The following EYS variants were observed in gnomAD, a reference collection of about 807,000 sequenced individuals.
The protein encoded by EYS is EGF-like photoreceptor maintenance factor.
In EYS, 250 loss-of-function variants were observed where a neutral mutation model predicts 282.1. The ratio of observed to expected loss-of-function variants is 0.89; its 90% CI spans 0.80 to 0.98. The LOEUF (loss-of-function observed/expected upper bound fraction) is 0.98, where lower values mean the gene tolerates loss of function less well. Among genes scored for constraint, EYS ranks in the 50% least tolerant of loss-of-function variants. EYS has a pLI of 0.00. For missense variants in EYS, 4,016 were observed against 3,709.0 expected (o/e 1.08, Z -2.15); for synonymous variants, 1,355 against 1,282.9 (o/e 1.06, Z -1.20).
intron 22 of EYS, among the ~76,000 whole-genome samples, chr6:64,695,633 G>A (rs1231488862): frequency 6.9e-6 from 1 of 145,236 alleles, no homozygotes; most frequent in African/African-American, 2.6e-5. Flanking sequence ...CACCCAGGCT[G>A]GAGTGCAGTG....
At chr6:65,416,397 A>T (rs1767235262) in intron 5 of EYS, among the ~76,000 whole-genome samples, 1 of 151,956 alleles carries the variant, frequency 6.6e-6, no homozygotes. Context: ...TATCTCAAAA[A>T]AGTCTCTATC....
At chr6:65,594,139 CATT>C (rs920492357) in intron 2 of EYS, among the ~76,000 whole-genome samples, 11 of 151,802 alleles carry the variant, frequency 7.2e-5, no homozygotes, top group Non-Finnish European at 1.3e-4. Flanking sequence ...TCATTATGAT[CATT>C]ATTATTATTA....
intron 12 of EYS, among the ~76,000 whole-genome samples, chr6:65,067,542 G>A (rs947070188): frequency 6.6e-5 from 10 of 152,076 alleles, no homozygotes; most frequent in African/African-American, 1.9e-4. Context: ...GTATCAGTTG[G>A]GGGTCCAGAG....
intron 28 of EYS, among the ~76,000 whole-genome samples, chr6:64,421,211 G>T (rs1774223051): frequency 6.6e-6 from 1 of 152,096 alleles, no homozygotes; most frequent in Admixed American, 6.5e-5. Flanking sequence ...TCTTCACATG[G>T]CAGCAGGAAG....
chr6:65,295,905 A>T lies in EYS; in HGVS notation c.1981T>A (p.Leu661Ile). The change falls in exon 12 of 43, where the codon TTA becomes ATA. Residue 661 changes from leucine to isoleucine, a missense_variant. Leu to Ile is a conservative substitution (Grantham distance 5). Transcript: ENST00000503581. Reference sequence around the variant, plus strand: ...CACTTGCGGAAGAAATATCCCCTTAAATGTGTACTAGTTGTTCCATTTTTG... The same window carrying T: ...CACTTGCGGAAGAAATATCCCCTTATATGTGTACTAGTTGTTCCATTTTTG... The part of the protein sequence containing the change: ...SCKNGTTSTH[L>I]RGYFFRKCVP... 5.8e-6 allele frequency: 9 copies of T among 1,550,834 alleles called. No homozygotes were observed. Among genetic ancestry groups the T allele is most frequent in the Non-Finnish European group, 7.9e-6 (9 of 1,146,400 alleles).
intron 1 of EYS, among the ~76,000 whole-genome samples, chr6:65,706,311 A>G (rs754824143): frequency 6.6e-6 from 1 of 151,936 alleles, no homozygotes; most frequent in Admixed American, 6.6e-5. Flanking sequence ...AATATTGTAT[A>G]CTAAGTAATT....
chr6:64,355,297 C>T (rs1771786809), intron 29 of EYS, among the ~76,000 whole-genome samples: 1 of 151,492 alleles, frequency 6.6e-6, no homozygotes, highest in Non-Finnish European at 1.5e-5. Flanking sequence ...TCTTATCCTG[C>T]TGCTTAGCTA....
chr6:64,101,365 T>G (rs755469615), intron 31 of EYS, among the ~76,000 whole-genome samples: 13 of 152,080 alleles, frequency 8.5e-5, no homozygotes, highest in Non-Finnish European at 1.9e-4. Flanking sequence ...ACAGCAAAAG[T>G]TTCCTTAAAA....
At chr6:65,107,152 C>G (rs971822036) in intron 12 of EYS, among the ~76,000 whole-genome samples, 1 of 152,006 alleles carries the variant, frequency 6.6e-6, no homozygotes, top group Non-Finnish European at 1.5e-5. Context: ...AGACTATTCA[C>G]TTTCCCCGAT....
At position 64,557,145 on chromosome 6, in the gene EYS, A is replaced by G. The variant is rs576613371; in HGVS notation, c.5644+33078T>C. On this transcript the variant is annotated intron_variant, in intron 26 of 42. Transcript: ENST00000503581. ...AGAATTCAGTTTGCCTAGAAGAGAAATACAAATAGAAGTAGTGAAGTTGAT... is the reference window on the plus strand; with the variant it reads ...AGAATTCAGTTTGCCTAGAAGAGAAGTACAAATAGAAGTAGTGAAGTTGAT... Among the ~76,000 whole-genome samples, 42 of 151,914 alleles carry G rather than the reference A, an allele frequency of 2.8e-4. 1 individual carries two copies. The South Asian group carries it at 3.1e-3, about 11-fold the overall frequency.
rs575114664 is a variant in EYS at position 65,606,284 on chromosome 6, C to T, written c.-333+33494G>A. Among the ~76,000 whole-genome samples, 22 of 151,764 alleles carry T rather than the reference C, an allele frequency of 1.4e-4. No individual in the cohort carries two copies. In the South Asian group the frequency reaches 3.9e-3, roughly 27 times the overall value. On this transcript the variant is annotated intron_variant, in intron 2 of 42. Coordinates refer to ENST00000503581, the MANE Select transcript of EYS (RefSeq NM_001142800.2). Reference sequence around the variant, plus strand: ...ACACACAAATGTGAAATGATCACATCAAAGTAAAACTATTTATTGCTTTAT... The same window carrying T: ...ACACACAAATGTGAAATGATCACATTAAAGTAAAACTATTTATTGCTTTAT...
chr6:65,045,744 G>A (rs1773082086), intron 13 of EYS, among the ~76,000 whole-genome samples: 1 of 151,826 alleles, frequency 6.6e-6, no homozygotes, highest in South Asian at 2.1e-4. Flanking sequence ...TATGGACTCT[G>A]AAATATTTGC....
intron 11 of EYS, among the ~76,000 whole-genome samples, chr6:65,324,849 A>C (rs1307534968): frequency 2.0e-5 from 3 of 152,194 alleles, no homozygotes; most frequent in African/African-American, 7.2e-5. Context: ...AAGCCAAAGG[A>C]ACTGTTTCCT....
chr6:64,924,334 T>A (rs1176334017), intron 15 of EYS, among the ~76,000 whole-genome samples: 1 of 152,030 alleles, frequency 6.6e-6, no homozygotes. Context: ...CTGCACACAG[T>A]ATGGTGACCC....
At chr6:64,778,485 G>A (rs771661311) in intron 22 of EYS, among the ~76,000 whole-genome samples, 2 of 152,116 alleles carry the variant, frequency 1.3e-5, no homozygotes, top group South Asian at 2.1e-4. Flanking sequence ...TGTCACACAG[G>A]TCTACCCAGC....
chr6:64,602,583 AT>A, intron 24 of EYS, among the ~76,000 whole-genome samples: 1 of 152,082 alleles, frequency 6.6e-6, no homozygotes, highest in Non-Finnish European at 1.5e-5. Flanking sequence ...CTTAAGAAAC[AT>A]TTTCCCCTTT....
At chr6:64,309,079 A>G (rs2150377124) in intron 29 of EYS, among the ~76,000 whole-genome samples, 1 of 152,254 alleles carries the variant, frequency 6.6e-6, no homozygotes, top group South Asian at 2.1e-4. Context: ...ATGATCTTAT[A>G]AAAATGCTTT....
intron 5 of EYS, among the ~76,000 whole-genome samples, chr6:65,462,780 T>C (rs568321987): frequency 6.6e-6 from 1 of 152,218 alleles, no homozygotes; most frequent in East Asian, 1.9e-4. Context: ...TTATATGGCT[T>C]ACATTTTAAA....
At chr6:64,952,691 T>C (rs895923429) in intron 14 of EYS, among the ~76,000 whole-genome samples, 1 of 152,082 alleles carries the variant, frequency 6.6e-6, no homozygotes, top group Non-Finnish European at 1.5e-5. Context: ...TCCTTCAGCA[T>C]ACCTTCTCTT....
Sources: allele counts gnomAD v4.1 joint callset (sites outside exome capture counted in the v4.1 genomes callset), GRCh38; gene constraint gnomAD v4.1.1; transcripts MANE v1.5; gene names NCBI Gene and HGNC (gene_info 2026-07-23, HGNC 2026-07-21).